MTMR7: variants seen among roughly 807,000 people sequenced by gnomAD.
The protein encoded by MTMR7 is myotubularin related protein 7.
In MTMR7, 76 loss-of-function variants were observed where a neutral mutation model predicts 81.2. The observed-to-expected ratio is 0.94, with a 90% CI of 0.78 to 1.13. MTMR7 has a LOEUF of 1.13. Among genes scored for constraint, MTMR7 ranks in the 50% most tolerant of loss-of-function variants. The pLI, the probability that MTMR7 is intolerant of heterozygous loss-of-function variation, is 0.00. For synonymous variants in MTMR7, 372 were observed against 289.8 expected (o/e 1.28, Z -2.88); for missense variants, 1,044 against 820.0 (o/e 1.27, Z -3.34).
chr8:17,313,783 A>G (rs1025947984), intron 7 of MTMR7, among the ~76,000 whole-genome samples: 14 of 152,240 alleles, frequency 9.2e-5, no homozygotes, highest in African/African-American at 3.4e-4. Flanking sequence ...AAAAAATCAT[A>G]TAACTAAGTG....
intron 9 of MTMR7, among the ~76,000 whole-genome samples, chr8:17,310,086 G>A (rs1563320931): frequency 6.6e-6 from 1 of 151,982 alleles, no homozygotes; most frequent in Admixed American, 6.6e-5. Context: ...CTACACCCTT[G>A]ACCTCCTGAG....
chr8:17,399,947 T>G (rs1821374389), intron 1 of MTMR7, among the ~76,000 whole-genome samples: 1 of 152,262 alleles, frequency 6.6e-6, no homozygotes, highest in African/African-American at 2.4e-5. Context: ...CACCTGAGAT[T>G]AAATTTCTCA....
intron 10 of MTMR7, among the ~76,000 whole-genome samples, chr8:17,306,752 C>T (rs969778627): frequency 4.6e-5 from 7 of 152,132 alleles, no homozygotes; most frequent in African/African-American, 1.7e-4. Flanking sequence ...AGAGTGGGAA[C>T]ATTGGAAATT....
In MTMR7 at chr8:17,304,492, C is replaced by T; in HGVS notation, c.1380G>A (p.Trp460Ter). The change falls in exon 12 of 14, where the codon TGG (tryptophan) becomes TGA (stop). Residue 460 changes from tryptophan to a stop codon, truncating the protein, a stop_gained. Coordinates refer to ENST00000180173, the MANE Select transcript of MTMR7 (RefSeq NM_004686.5). LOFTEE classifies it high-confidence loss of function. ...LKIQERTYSL[W>*]AHLWKNRADY... ...CGGCCCGATTCTTCCACAGGTGAGCCCATAATGAGTATGTTCTTTCTTGAA... is the reference window on the plus strand; with the variant it reads ...CGGCCCGATTCTTCCACAGGTGAGCTCATAATGAGTATGTTCTTTCTTGAA... 6.2e-7 allele frequency: 1 copy of T among 1,613,702 alleles called. No homozygotes were observed. Among genetic ancestry groups the T allele is most frequent in the Non-Finnish European group, 8.5e-7 (1 of 1,179,758 alleles).
chr8:17,310,276 C>G (rs1328341462), intron 9 of MTMR7, among the ~76,000 whole-genome samples: 1 of 152,114 alleles, frequency 6.6e-6, no homozygotes. Flanking sequence ...GCTGGGATTA[C>G]AGGTGTGAGC....
chr8:17,302,057 A>G (rs1817152593), intron 13 of MTMR7, 97 bp downstream of exon 13: 1 of 1,511,526 alleles, frequency 6.6e-7, no homozygotes, highest in Non-Finnish European at 9.1e-7. Context: ...AAAATGTGAA[A>G]TATTTGTATT....
At chr8:17,332,012 C>G (rs1324849514) in intron 6 of MTMR7, among the ~76,000 whole-genome samples, 3 of 152,088 alleles carry the variant, frequency 2.0e-5, no homozygotes, top group East Asian at 1.9e-4. Flanking sequence ...AAACACTGTC[C>G]TAGCCTGCGT....
At chr8:17,302,703 ACCCCCCCCCC>A (rs35520166) in intron 12 of MTMR7, among the ~76,000 whole-genome samples, 1 of 10,352 alleles carries the variant, frequency 9.7e-5, no homozygotes, top group African/African-American at 1.8e-4. Context: ...ATTGGCAATA[ACCCCCCCCCC>A]CCCGCTTTTT....
chr8:17,354,707 T>C (rs1444826843), intron 4 of MTMR7, among the ~76,000 whole-genome samples: 2 of 152,136 alleles, frequency 1.3e-5, no homozygotes, highest in African/African-American at 4.8e-5. Context: ...AGATAAGTTG[T>C]CAAACAAGAG....
intron 1 of MTMR7, among the ~76,000 whole-genome samples, chr8:17,401,319 G>A (rs1585124269): frequency 6.6e-6 from 1 of 152,198 alleles, no homozygotes; most frequent in African/African-American, 2.4e-5. Flanking sequence ...CAAGTTCCAG[G>A]CACAGGAAAC....
At position 17,405,000 on chromosome 8, in the gene MTMR7, A is replaced by G. The variant is rs184999303; in HGVS notation, c.24+8269T>C. 6.3e-3 allele frequency among the ~76,000 whole-genome samples: 964 copies of G among 152,202 alleles called. 13 individuals carry two copies. Among genetic ancestry groups the G allele is most frequent in the Middle Eastern group, 0.017 (5 of 292 alleles). On this transcript the variant is annotated intron_variant, in intron 1 of 13. Coordinates refer to ENST00000180173, the MANE Select transcript of MTMR7 (RefSeq NM_004686.5). ...GCCGCTATGACTGGCTAATTTTTGT[A>G]TTTTATATTAGTAGAGACAGGTTTG...
intron 11 of MTMR7, among the ~76,000 whole-genome samples, chr8:17,305,229 T>G (rs892074082): frequency 2.4e-4 from 37 of 152,238 alleles, no homozygotes; most frequent in Non-Finnish European, 7.3e-5. Context: ...ACCATTTCAT[T>G]TTATGAAAAT....
chr8:17,376,382 T>A (rs1350359446), intron 1 of MTMR7, among the ~76,000 whole-genome samples: 1 of 152,240 alleles, frequency 6.6e-6, no homozygotes, highest in Non-Finnish European at 1.5e-5. Flanking sequence ...CTACCAGGAA[T>A]AATGCTGCTA....
chr8:17,356,210 T>A (rs1452988553), intron 4 of MTMR7, among the ~76,000 whole-genome samples: 1 of 152,164 alleles, frequency 6.6e-6, no homozygotes, highest in Non-Finnish European at 1.5e-5. Flanking sequence ...ATTTTAGCAA[T>A]TTTTATCAGT....
chr8:17,325,376 G>A (rs1293878687), intron 7 of MTMR7, among the ~76,000 whole-genome samples: 1 of 152,150 alleles, frequency 6.6e-6, no homozygotes, highest in East Asian at 1.9e-4. Context: ...CAAAACCTTT[G>A]CGTGGAAGAA....
In MTMR7 at chr8:17,371,072, T is replaced by C; in HGVS notation, c.275A>G (p.Asp92Gly). The C allele has an allele frequency of 6.2e-7, 1 of 1,614,144 alleles. No individual in the cohort carries two copies. Residue 92 changes from aspartate (D) to glycine (G), a missense_variant, in exon 3 of 14, where the codon GAC (aspartate) becomes GGC (glycine). Transcript: ENST00000180173. Reference sequence around the variant, plus strand: ...AAGGCGTATCAGGGAGATGTACACGTCGTGGCAATCTCTTTCCTGAGGTAT... The same window carrying C: ...AAGGCGTATCAGGGAGATGTACACGCCGTGGCAATCTCTTTCCTGAGGTAT... Reference protein sequence around the residue: ...LIIPQERDCHDVYISLIRLAR... With the variant: ...LIIPQERDCHGVYISLIRLAR...
rs139885196 is a variant in MTMR7 at position 17,409,084 on chromosome 8, G to C, written c.24+4185C>G. Among the ~76,000 whole-genome samples, 1,154 of 152,086 alleles carry C rather than the reference G, an allele frequency of 7.6e-3. 15 individuals carry two copies. The highest frequency in any genetic ancestry group is 0.026 in the African/African-American group (1,064 of 41,460). ...CAAATATTTCACACTAATACTATAA[G>C]ATCCACAACACTGTCAAGTAGTATT... is the stretch of plus-strand genomic sequence containing the variant. On this transcript the variant is annotated intron_variant, in intron 1 of 13. Coordinates refer to ENST00000180173, the MANE Select transcript of MTMR7 (RefSeq NM_004686.5).
At position 17,413,309 on chromosome 8, in the gene MTMR7, C is replaced by G; in HGVS notation, c.-17G>C. On this transcript the variant is annotated 5_prime_UTR_variant, in exon 1 of 14. Transcript: ENST00000180173. The stretch of plus-strand genomic sequence containing the variant: ...GTGCTCCATGGCTGGCCCACGTCTG[C>G]AGGGTCCCGGGCGGGCGCGGCCTCA... The G allele has an allele frequency of 1.3e-6, 2 of 1,540,464 alleles. No homozygotes were observed. Among genetic ancestry groups the G allele is most frequent in the Non-Finnish European group, 1.8e-6 (2 of 1,141,576 alleles).
intron 10 of MTMR7, among the ~76,000 whole-genome samples, chr8:17,307,419 C>G (rs1817524906): frequency 6.6e-6 from 1 of 152,158 alleles, no homozygotes; most frequent in Non-Finnish European, 1.5e-5. Context: ...GAAATAGGAA[C>G]ACTTTTACAC....
Sources: gnomAD v4.1 joint callset for allele counts (sites outside exome capture counted in the v4.1 genomes callset) on GRCh38, gnomAD v4.1.1 for gene constraint, MANE v1.5 for transcripts, NCBI Gene and HGNC (gene_info 2026-07-23, HGNC 2026-07-21) for gene names.